The following ORC1 variants were observed in gnomAD, a reference collection of about 807,000 sequenced individuals.
ORC1 encodes origin recognition complex, subunit 1 homolog.
Under a neutral mutation model 98.9 loss-of-function variants are expected in ORC1, and 61 were observed. That is an observed-to-expected ratio of 0.62 (90% CI 0.50 to 0.76). ORC1 has a LOEUF of 0.76. ORC1 is among the 30% of genes least tolerant of loss of function. The probability of loss-of-function intolerance (pLI) is 0.00; values close to 1 mark genes in which losing one functional copy is unlikely to be tolerated. For synonymous variants in ORC1, 385 were observed against 406.9 expected, an observed-to-expected ratio of 0.95 and a Z score of 0.65; for missense variants, 979 against 1,072.2, an observed-to-expected ratio of 0.91 and a Z score of 1.21.
At chr1:52,394,552 A>G (rs1647309008) in intron 5 of ORC1, among the ~76,000 whole-genome samples, 1 of 152,214 alleles carries the variant, frequency 6.6e-6, no homozygotes. Context: ...TTTGAGACAT[A>G]CCTTGAAAGA....
chr1:52,380,540 C>T (rs890106950), intron 14 of ORC1, among the ~76,000 whole-genome samples: 6 of 151,962 alleles, frequency 3.9e-5, no homozygotes, highest in South Asian at 2.1e-4. Context: ...TACTAAAATA[C>T]AAAAATTAGC....
At chr1:52,403,676 G>C (rs1569966103) in intron 1 of ORC1, among the ~76,000 whole-genome samples, 1 of 152,138 alleles carries the variant, frequency 6.6e-6, no homozygotes, top group Non-Finnish European at 1.5e-5. Flanking sequence ...GGTTAGAAAA[G>C]AGAAGTAGGA....
chr1:52,380,959 G>A (rs1489561449), intron 14 of ORC1, among the ~76,000 whole-genome samples: 1 of 152,228 alleles, frequency 6.6e-6, no homozygotes, highest in Non-Finnish European at 1.5e-5. Context: ...GCCATTCAGG[G>A]TGAAGAGTGT....
At position 52,383,949 on chromosome 1, in the gene ORC1, G is replaced by A; in HGVS notation, c.1756-12C>T. 2 of 1,609,580 alleles carry A rather than the reference G, an allele frequency of 1.2e-6. No individual in the cohort carries two copies. Among genetic ancestry groups the A allele is most frequent in the Non-Finnish European group, 1.7e-6 (2 of 1,175,852 alleles). On this transcript the variant is annotated splice_polypyrimidine_tract_variant and intron_variant, in intron 11 of 16. Transcript: ENST00000371568. ...TGGCCTGTTAGCTTCTGCATTAGGA[G>A]AAACACAGTTGTGAGGAACTGTAAG...
At chr1:52,406,058 G>A (rs1457365505), upstream of ORC1, among the ~76,000 whole-genome samples, 3 of 152,032 alleles carry the variant, frequency 2.0e-5, no homozygotes, top group Non-Finnish European at 1.5e-5. Context: ...GTGCGATCTC[G>A]GCCCACTGCA....
chr1:52,387,294 C>T (rs139575723), intron 8 of ORC1, among the ~76,000 whole-genome samples: 1 of 152,144 alleles, frequency 6.6e-6, no homozygotes, highest in African/African-American at 2.4e-5. Context: ...CTAGGTTGCA[C>T]ACTCCTTATG....
chr1:52,408,524 G>GTAA (rs1228567048), upstream of ORC1: 33 of 1,613,094 alleles, frequency 2.0e-5, no homozygotes, highest in Non-Finnish European at 2.7e-5. Flanking sequence ...TAAAACTCAG[G>GTAA]AACTTCTAGG....
At position 52,373,049 on chromosome 1, in the gene ORC1, C is replaced by T; in HGVS notation, c.*132G>A. On this transcript the variant is annotated 3_prime_UTR_variant, in exon 17 of 17. Transcript: ENST00000371568. ...TGGGAGGATGAGGTTGGGGGGTCAC[C>T]TAAGCCTGAGAAGTCAAGGCTGCAG... The T allele has an allele frequency of 1.0e-6, 1 of 970,020 alleles. No individual in the cohort carries two copies. The highest frequency in any genetic ancestry group is 1.6e-5 in the African/African-American group (1 of 62,804). The allele number at this position is 970,020 out of a possible 1,614,324, so 60.1% of individuals were successfully genotyped here.
chr1:52,397,000 C>T (rs1647435564), intron 4 of ORC1, among the ~76,000 whole-genome samples: 1 of 152,194 alleles, frequency 6.6e-6, no homozygotes. Context: ...AAGCCCTGTG[C>T]CTCTCCGCGT....
At chr1:52,405,610 T>C (rs1647961530), upstream of ORC1, 9 of 1,478,748 alleles carry the variant, frequency 6.1e-6, no homozygotes, top group Non-Finnish European at 8.4e-6. Flanking sequence ...GAACCAAAGC[T>C]TGAACTAACT....
chr1:52,391,180 G>A (rs914897161), intron 6 of ORC1, among the ~76,000 whole-genome samples: 4 of 151,028 alleles, frequency 2.6e-5, no homozygotes, highest in African/African-American at 7.3e-5. Context: ...GTAGTGGCTC[G>A]CGCTGGTAGT....
chr1:52,382,451 A>G (rs1647084018), intron 13 of ORC1, among the ~76,000 whole-genome samples: 1 of 152,072 alleles, frequency 6.6e-6, no homozygotes, highest in South Asian at 2.1e-4. Flanking sequence ...CAGGCTCTTC[A>G]TGATTTCTCA....
At chr1:52,382,125 C>G (rs1282142287) in intron 13 of ORC1, among the ~76,000 whole-genome samples, 2 of 151,784 alleles carry the variant, frequency 1.3e-5, no homozygotes, top group African/African-American at 4.8e-5. Flanking sequence ...ACTACTGGTG[C>G]CCACCACCAC....
At chr1:52,375,717 C>T (rs1569901486) in intron 14 of ORC1, 118 bp from the exon 15 acceptor site, 1 of 885,746 alleles carries the variant, frequency 1.1e-6, no homozygotes, top group East Asian at 2.5e-5. Flanking sequence ...TGGCAGGGAA[C>T]CTGGAGGAAG....
chr1:52,404,197 G>C, intron 1 of ORC1, 49 bp downstream of exon 1: 1 of 158,110 alleles, frequency 6.3e-6, no homozygotes, highest in Admixed American at 6.1e-5. Flanking sequence ...CAGAGGTTCC[G>C]ATGCGCCCTC....
intron 6 of ORC1, among the ~76,000 whole-genome samples, chr1:52,391,411 C>T (rs1647209567): frequency 6.6e-6 from 1 of 151,020 alleles, no homozygotes; most frequent in African/African-American, 2.4e-5. Context: ...AAAGCAAATG[C>T]AACAAAAACA....
chr1:52,377,241 T>C (rs749686094), intron 14 of ORC1, among the ~76,000 whole-genome samples: 4 of 151,988 alleles, frequency 2.6e-5, no homozygotes, highest in African/African-American at 7.2e-5. Context: ...AGTGCTGGGA[T>C]TACAGGTGTG....
chr1:52,397,408 G>A lies in ORC1; in HGVS notation c.402+277C>T, dbSNP rs76105784. Among the ~76,000 whole-genome samples, 548 of 152,312 alleles carry A rather than the reference G, an allele frequency of 3.6e-3. 3 individuals carry two copies. Among genetic ancestry groups the A allele is most frequent in the African/African-American group, 0.012 (491 of 41,560 alleles). ...ATGCTTTATGCATGCCACAGTCATA[G>A]CTAAATATAACATCCCCCTGAGATA... On this transcript the variant is annotated intron_variant, in intron 4 of 16. Coordinates refer to ENST00000371568, the MANE Select transcript of ORC1 (RefSeq NM_004153.4).
In ORC1 at chr1:52,372,942, A is replaced by G; in HGVS notation, c.*239T>C. On this transcript the variant is annotated 3_prime_UTR_variant, in exon 17 of 17. Transcript: ENST00000371568. ...ACTTCCAAAATCAGATGCTTTGTAG[A>G]CTAGCTTGGCAACATGGTGAAGCCC... is the stretch of plus-strand genomic sequence containing the variant. 1.9e-6 allele frequency: 1 copy of G among 516,870 alleles called. No homozygotes were observed. The highest frequency in any genetic ancestry group is 2.0e-5 in the South Asian group (1 of 50,696). The allele number at this position is 516,870 out of a possible 1,614,324, so 32.0% of individuals were successfully genotyped here.
Sources: allele counts gnomAD v4.1 joint callset (sites outside exome capture counted in the v4.1 genomes callset), GRCh38; gene constraint gnomAD v4.1.1; transcripts MANE v1.5; gene names NCBI Gene and HGNC (gene_info 2026-07-23, HGNC 2026-07-21).